Variants in RUFY4 observed in about 807,000 individuals in gnomAD.
RUFY4 encodes the protein RUN and FYVE domain-containing protein 4.
In RUFY4, 73 loss-of-function variants were observed where a neutral mutation model predicts 69.0. That is an observed-to-expected ratio of 1.06 (90% CI 0.88 to 1.29). RUFY4 has a LOEUF of 1.29. Among genes scored for constraint, RUFY4 ranks in the 50% most tolerant of loss-of-function variants. RUFY4 has a pLI of 0.00. For missense variants in RUFY4, 770 were observed against 705.6 expected, an observed-to-expected ratio of 1.09 and a Z score of -1.03; for synonymous variants, 287 against 271.8, an observed-to-expected ratio of 1.06 and a Z score of -0.55.
At chr2:218,069,954 C>T (rs906214877), upstream of RUFY4, among the ~76,000 whole-genome samples, 8 of 152,150 alleles carry the variant, frequency 5.3e-5, no homozygotes, top group East Asian at 1.9e-4. Flanking sequence ...CCCACACACA[C>T]GCAGCATGTG....
chr2:218,061,253 A>T, intron 3 of RUFY4: 1 of 357,052 alleles, frequency 2.8e-6, no homozygotes, highest in East Asian at 7.4e-5. Flanking sequence ...ACATCAGGGC[A>T]TAGATGATGA....
At chr2:218,085,602 A>G (rs1189259844) in intron 9 of RUFY4, among the ~76,000 whole-genome samples, 1 of 152,226 alleles carries the variant, frequency 6.6e-6, no homozygotes, top group Non-Finnish European at 1.5e-5. Flanking sequence ...TAGGATCCAG[A>G]GATCCCAGAG....
exon 8 of RUFY4, chr2:218,076,489 G>A: frequency 6.4e-7 from 1 of 1,551,124 alleles, no homozygotes; most frequent in Non-Finnish European, 8.7e-7. Flanking sequence ...AGCTGCTGAG[G>A]GAGCAGGAGG....
At chr2:218,089,290 C>T (rs1443026883) in exon 10 of RUFY4, 2 of 1,613,906 alleles carry the variant, frequency 1.2e-6, no homozygotes, top group Middle Eastern at 1.6e-4. Context: ...CAGCATCTCT[C>T]TTCCATGGCT....
chr2:218,056,375 T>C lies in RUFY4; in HGVS notation c.-1157-2220T>C, dbSNP rs114887266. ...GCCTGCCAGAATAATCAGATAGAAC[T>C]TGATGCTAAACTCCAGGCAACTCTG... On this transcript the variant is annotated intron_variant and NMD_transcript_variant, in intron 2 of 13. Coordinates refer to the RUFY4 transcript ENST00000457754. Among the ~76,000 whole-genome samples the C allele has an allele frequency of 3.3e-3, 500 of 152,240 alleles. 1 individual carries two copies. Among genetic ancestry groups the C allele is most frequent in the African/African-American group, 0.011 (458 of 41,542 alleles).
rs116348436 is a variant in RUFY4, at chr2:218,070,758, G to A, written c.52G>A (p.Val18Ile). ...ATCTGCCATCCTCCCAGCAGCTGCCGTCTCTGCCATCCTCCAGGGCTATGG... is the reference window on the plus strand; with the variant it reads ...ATCTGCCATCCTCCCAGCAGCTGCCATCTCTGCCATCCTCCAGGGCTATGG... The change falls in exon 2 of 11, where the codon GTC becomes ATC. Residue 18 changes from valine (V) to isoleucine (I), a missense_variant. By Grantham distance (29) the Val-to-Ile change is conservative. Coordinates refer to ENST00000344321, the Ensembl canonical transcript of RUFY4. 2.4e-3 allele frequency: 3,719 copies of A among 1,536,852 alleles called. 8 individuals carry two copies. Among genetic ancestry groups the A allele is most frequent in the Non-Finnish European group, 2.9e-3 (3,338 of 1,146,492 alleles).
intron 6 of RUFY4, 96 bp from the exon 9 acceptor site, chr2:218,074,997 G>A: frequency 8.4e-6 from 11 of 1,307,748 alleles, no homozygotes; most frequent in Non-Finnish European, 1.1e-5. Flanking sequence ...TATCTATTTA[G>A]CAAGCTGATT....
chr2:218,052,476 C>G (rs1323785480), intron 2 of RUFY4, among the ~76,000 whole-genome samples: 3 of 152,208 alleles, frequency 2.0e-5, no homozygotes, highest in African/African-American at 7.2e-5. Flanking sequence ...TGTCTAATTA[C>G]CTTTGTATGA....
At chr2:218,075,556 A>T (rs1164029891) in exon 7 of RUFY4, 1 of 1,535,100 alleles carries the variant, frequency 6.5e-7, no homozygotes, top group African/African-American at 1.4e-5. Flanking sequence ...GGGGCTGTAG[A>T]GGGAGCAGTA....
intron 4 of RUFY4, 97 bp from the exon 7 acceptor site, chr2:218,073,146 G>A: frequency 2.1e-6 from 3 of 1,444,536 alleles, no homozygotes; most frequent in Non-Finnish European, 2.8e-6. Flanking sequence ...TGTAGTGGAG[G>A]CTGCTTTGTT....
intron 8 of RUFY4, among the ~76,000 whole-genome samples, chr2:218,079,069 A>G (rs191475693): frequency 3.9e-5 from 6 of 152,254 alleles, no homozygotes; most frequent in Admixed American, 1.3e-4. Flanking sequence ...GGGTTTCATC[A>G]TGTTGGCCAG....
chr2:218,089,063 C>T (rs1406822021), intron 9 of RUFY4, among the ~76,000 whole-genome samples, 189 bp from the exon 12 acceptor site: 3 of 152,024 alleles, frequency 2.0e-5, no homozygotes, highest in African/African-American at 7.3e-5. Flanking sequence ...TTGTTTCTGT[C>T]CCTGTCTCTG....
At chr2:218,080,143 G>C (rs1280404789) in intron 8 of RUFY4, among the ~76,000 whole-genome samples, 1 of 152,214 alleles carries the variant, frequency 6.6e-6, no homozygotes, top group African/African-American at 2.4e-5. Context: ...GCTGAGCAGA[G>C]GAGAGAGCGG....
chr2:218,083,683 G>A (rs766422613), intron 9 of RUFY4, among the ~76,000 whole-genome samples: 5 of 151,834 alleles, frequency 3.3e-5, no homozygotes, highest in South Asian at 2.1e-4. Flanking sequence ...GGGAGGCAGA[G>A]GTTGCAGTGA....
chr2:218,081,440 C>G (rs1689757510), intron 8 of RUFY4, among the ~76,000 whole-genome samples: 1 of 152,228 alleles, frequency 6.6e-6, no homozygotes, highest in African/African-American at 2.4e-5. Context: ...TCTGTCTTAG[C>G]CTCTCGTTTG....
chr2:218,089,316 G>C, exon 10 of RUFY4: 1 of 1,613,906 alleles, frequency 6.2e-7, no homozygotes, highest in Non-Finnish European at 8.5e-7. Context: ...GTGCTGTGTG[G>C]CCTGTAGCAA....
At chr2:218,064,081 C>A (rs1373042014) in intron 3 of RUFY4, among the ~76,000 whole-genome samples, 14 of 152,184 alleles carry the variant, frequency 9.2e-5, no homozygotes, top group Admixed American at 9.2e-4. Context: ...CAGCCCCGCT[C>A]CACCTGGCCA....
chr2:218,064,357 C>T (rs1255108010), upstream of RUFY4, among the ~76,000 whole-genome samples: 4 of 152,138 alleles, frequency 2.6e-5, no homozygotes, highest in Non-Finnish European at 4.4e-5. Context: ...CCTGGACCAG[C>T]CCACTCCTCT....
At chr2:218,071,737 T>C (rs1198313760) in intron 2 of RUFY4, among the ~76,000 whole-genome samples, 1 of 152,214 alleles carries the variant, frequency 6.6e-6, no homozygotes, top group Non-Finnish European at 1.5e-5. Context: ...ATCTGTTTGT[T>C]GTCTTAACTC....
Sources: allele counts gnomAD v4.1 joint callset (sites outside exome capture counted in the v4.1 genomes callset), GRCh38; gene constraint gnomAD v4.1.1; transcripts MANE v1.5; gene names NCBI Gene and HGNC (gene_info 2026-07-23, HGNC 2026-07-21).